The following BMP5 variants were observed in gnomAD, a reference collection of about 807,000 sequenced individuals.
BMP5 encodes bone morphogenetic protein 5.
Under a neutral mutation model 46.6 loss-of-function variants are expected in BMP5, and 23 were observed. The ratio of observed to expected loss-of-function variants is 0.49; its 90% CI spans 0.35 to 0.70. The LOEUF (loss-of-function observed/expected upper bound fraction) is 0.70. Among genes scored for constraint, BMP5 ranks in the 30% least tolerant of loss-of-function variants. The pLI is 0.00. For missense variants in BMP5, 545 were observed against 565.6 expected (o/e 0.96, Z 0.37); for synonymous variants, 204 against 191.9 (o/e 1.06, Z -0.52).
rs1562031045 is a variant in BMP5, at chr6:55,774,060, G to A, written c.1016C>T (p.Ser339Phe). The A allele has an allele frequency of 6.2e-6, 10 of 1,612,330 alleles. No homozygotes were observed. The highest frequency in any genetic ancestry group is 8.5e-6 in the Non-Finnish European group (10 of 1,179,204). ...GGGTTTATTCTTACCTCCAACACTGGACATTCTGGAGGAGTCCTGATGAGA... is the reference window on the plus strand; with the variant it reads ...GGGTTTATTCTTACCTCCAACACTGAACATTCTGGAGGAGTCCTGATGAGA... ...SSSHQDSSRMSSVGDYNTSEQ... is the reference protein window; with the variant it reads ...SSSHQDSSRMFSVGDYNTSEQ... The change falls in exon 4 of 7, where the codon TCC (serine) becomes TTC (phenylalanine). Residue 339 changes from serine (S) to phenylalanine (F), a missense_variant. Transcript: ENST00000370830.
At chr6:55,780,513 C>A (rs1775291340) in intron 3 of BMP5, among the ~76,000 whole-genome samples, 1 of 144,468 alleles carries the variant, frequency 6.9e-6, no homozygotes, top group African/African-American at 2.5e-5. Context: ...GTGGTTACAA[C>A]TCCTGGTAAC....
At chr6:55,768,850 G>C (rs539232039) in intron 4 of BMP5, among the ~76,000 whole-genome samples, 1 of 152,082 alleles carries the variant, frequency 6.6e-6, no homozygotes, top group South Asian at 2.1e-4. Context: ...CTGCAATGAA[G>C]TGAACGTCAC....
intron 2 of BMP5, among the ~76,000 whole-genome samples, chr6:55,803,968 A>T (rs1021778103): frequency 4.6e-5 from 7 of 151,932 alleles, no homozygotes; most frequent in African/African-American, 1.7e-4. Flanking sequence ...ATAGAGAAGC[A>T]ACAGCCTTAC....
At chr6:55,775,970 G>C (rs1435959812) in intron 3 of BMP5, among the ~76,000 whole-genome samples, 1 of 150,620 alleles carries the variant, frequency 6.6e-6, no homozygotes, top group South Asian at 2.1e-4. Context: ...ATCCTCCACA[G>C]TTGTCTTACA....
intron 3 of BMP5, among the ~76,000 whole-genome samples, chr6:55,789,422 C>T (rs777096801): frequency 2.6e-5 from 4 of 151,686 alleles, no homozygotes; most frequent in Non-Finnish European, 5.9e-5. Flanking sequence ...CATCAAACAA[C>T]GGAAAATTAT....
rs1033437072 is a variant in BMP5, at chr6:55,753,931, T to G, written c.*1602A>C. On this transcript the variant is annotated 3_prime_UTR_variant, in exon 7 of 7. Transcript: ENST00000370830. ...GAATAAAACAATAGACTTCCATTTC[T>G]TATTCTCTCAATGGTACACCATTAA... 3.9e-5 allele frequency: 6 copies of G among 151,986 alleles called. No individual in the cohort carries two copies. The highest frequency in any genetic ancestry group is 7.4e-5 in the Non-Finnish European group (5 of 67,934). The allele number at this position is 151,986 out of a possible 1,614,324, so 9.4% of individuals were successfully genotyped here.
chr6:55,770,243 A>G (rs1328737546), intron 4 of BMP5, among the ~76,000 whole-genome samples: 2 of 151,974 alleles, frequency 1.3e-5, no homozygotes, highest in Non-Finnish European at 2.9e-5. Flanking sequence ...TACCTTCATC[A>G]GTGATCTTAG....
rs562345258 is a variant in BMP5, at chr6:55,784,715, A to T, written c.832+9564T>A. ...ATATTGTGGACCACATCACAATTAA[A>T]CTCCAGGCAGAAAATATAAAAACCC... is the stretch of plus-strand genomic sequence containing the variant. On this transcript the variant is annotated intron_variant, in intron 3 of 6. Transcript: ENST00000370830. 7.0e-4 allele frequency among the ~76,000 whole-genome samples: 106 copies of T among 151,816 alleles called. 1 individual carries two copies. The highest frequency in any genetic ancestry group is 1.4e-3 in the Non-Finnish European group (95 of 67,764).
chr6:55,807,629 G>A (rs1776022261), intron 2 of BMP5, among the ~76,000 whole-genome samples: 1 of 152,186 alleles, frequency 6.6e-6, no homozygotes, highest in Non-Finnish European at 1.5e-5. Flanking sequence ...AGTAGCTAAA[G>A]GAATGGTACC....
At chr6:55,841,678 G>A (rs1349510870) in intron 1 of BMP5, among the ~76,000 whole-genome samples, 3 of 152,060 alleles carry the variant, frequency 2.0e-5, no homozygotes, top group Non-Finnish European at 4.4e-5. Flanking sequence ...CTCTTCACAT[G>A]GCTGTCTCTC....
intron 2 of BMP5, among the ~76,000 whole-genome samples, chr6:55,813,760 C>A (rs1452081385): frequency 6.8e-6 from 1 of 146,032 alleles, no homozygotes; most frequent in Non-Finnish European, 1.5e-5. Context: ...GCACTCCAGC[C>A]TGGATGAAAG....
rs569541815 is a variant in BMP5, at chr6:55,762,780, C to G, written c.1028-2247G>C. On this transcript the variant is annotated intron_variant, in intron 4 of 6. Transcript: ENST00000370830. Reference sequence around the variant, plus strand: ...ATGCATTGGACCAGGGGTCAGCAAACTTTTTAAAAGTTTTTTAAACTTCTT... The same window carrying G: ...ATGCATTGGACCAGGGGTCAGCAAAGTTTTTAAAAGTTTTTTAAACTTCTT... Among the ~76,000 whole-genome samples, 3 of 152,046 alleles carry G rather than the reference C, an allele frequency of 2.0e-5. 1 individual carries two copies. In the South Asian group the frequency reaches 6.2e-4, roughly 31 times the overall value.
chr6:55,837,052 C>CTT (rs112520541), intron 1 of BMP5, among the ~76,000 whole-genome samples: 59 of 143,986 alleles, frequency 4.1e-4, no homozygotes, highest in African/African-American at 1.4e-3. Context: ...TTTAAAGTAA[C>CTT]TTTTTTTTTT....
chr6:55,870,195 C>T, intron 1 of BMP5, among the ~76,000 whole-genome samples: 1 of 124,620 alleles, frequency 8.0e-6, no homozygotes, highest in East Asian at 2.3e-4. Flanking sequence ...GTAACCACTA[C>T]AATTTGAAAA....
intron 2 of BMP5, among the ~76,000 whole-genome samples, chr6:55,797,470 G>C (rs1443302738): frequency 6.6e-6 from 1 of 152,018 alleles, no homozygotes; most frequent in East Asian, 1.9e-4. Flanking sequence ...TTTATTTGTA[G>C]CAAAAATAAT....
At position 55,755,695 on chromosome 6, in the gene BMP5, A is replaced by G. The variant is rs1338841565; in HGVS notation, c.1216-13T>C. Reference sequence around the variant, plus strand: ...ACATCAGATGAACCTGGGAAAGAAAAAAGGTTTTGTTTTATTAAGAAATAA... The same window carrying G: ...ACATCAGATGAACCTGGGAAAGAAAGAAGGTTTTGTTTTATTAAGAAATAA... On this transcript the variant is annotated splice_polypyrimidine_tract_variant and intron_variant, in intron 6 of 6. Coordinates refer to ENST00000370830, the MANE Select transcript of BMP5 (RefSeq NM_021073.4). 1.2e-6 allele frequency: 2 copies of G among 1,610,546 alleles called. No individual in the cohort carries two copies. The highest frequency in any genetic ancestry group is 1.7e-6 in the Non-Finnish European group (2 of 1,177,476).
In BMP5 at chr6:55,781,364, T is replaced by C. The variant is rs531016557; in HGVS notation, c.833-7121A>G. Among the ~76,000 whole-genome samples the C allele has an allele frequency of 6.9e-4, 105 of 152,240 alleles. 1 individual carries two copies. In the South Asian group the frequency reaches 0.011, roughly 16 times the overall value. ...AGCCTGGGGGATTTTAGTAAAACTATAGGGAAGCAGAATTTCAGCAGAAAT... is the reference window on the plus strand; with the variant it reads ...AGCCTGGGGGATTTTAGTAAAACTACAGGGAAGCAGAATTTCAGCAGAAAT... On this transcript the variant is annotated intron_variant, in intron 3 of 6. Coordinates refer to ENST00000370830, the MANE Select transcript of BMP5 (RefSeq NM_021073.4).
intron 1 of BMP5, among the ~76,000 whole-genome samples, chr6:55,841,916 CAGAG>C (rs143400522): frequency 1.0e-4 from 15 of 146,872 alleles, no homozygotes; most frequent in South Asian, 2.2e-4. Flanking sequence ...GAGAGAGAGA[CAGAG>C]AGAGAGAGAG....
Position 55,755,384 on chromosome 6 carries a change from T to C in BMP5, c.*149A>G. On this transcript the variant is annotated 3_prime_UTR_variant, in exon 7 of 7. Coordinates refer to ENST00000370830, the MANE Select transcript of BMP5 (RefSeq NM_021073.4). Reference sequence around the variant, plus strand: ...ATATATACGTTTAAATAAATAAAAATGACTATATACATGATATTGTACATA... The same window carrying C: ...ATATATACGTTTAAATAAATAAAAACGACTATATACATGATATTGTACATA... 1 of 694,670 alleles carries C rather than the reference T, an allele frequency of 1.4e-6. No homozygotes were observed. Among genetic ancestry groups the C allele is most frequent in the Non-Finnish European group, 2.4e-6 (1 of 415,210 alleles). 43.0% of individuals were successfully genotyped at this position (694,670 alleles called of 1,614,324 possible). A position where few individuals can be genotyped will look rare whatever the true frequency, so the allele number is the denominator to read the frequency against.
Sources: gnomAD v4.1 joint callset for allele counts (sites outside exome capture counted in the v4.1 genomes callset) on GRCh38, gnomAD v4.1.1 for gene constraint, MANE v1.5 for transcripts, NCBI Gene and HGNC (gene_info 2026-07-23, HGNC 2026-07-21) for gene names.